Variants in BMPER observed in about 807,000 individuals in gnomAD.
The protein encoded by BMPER is BMP binding endothelial regulator.
A neutral mutation model predicts 87.3 loss-of-function variants in BMPER; 45 were observed. That is an observed-to-expected ratio of 0.52 (90% confidence interval 0.41 to 0.66). BMPER has a LOEUF of 0.66. Among genes scored for constraint, BMPER ranks in the 30% least tolerant of loss-of-function variants. The probability of loss-of-function intolerance (pLI) is 0.00; values close to 1 mark genes in which losing one functional copy is unlikely to be tolerated. For missense variants in BMPER, 784 were observed against 867.5 expected (o/e 0.90, Z 1.21); for synonymous variants, 326 against 316.2 (o/e 1.03, Z -0.33).
intron 6 of BMPER, among the ~76,000 whole-genome samples, chr7:34,028,349 G>A (rs576911242): frequency 4.0e-5 from 6 of 151,784 alleles, no homozygotes; most frequent in Middle Eastern, 6.8e-3. Flanking sequence ...GCATGAAATG[G>A]GTTTTTGTTA....
At chr7:33,960,158 G>A (rs902296233) in intron 3 of BMPER, among the ~76,000 whole-genome samples, 1 of 152,116 alleles carries the variant, frequency 6.6e-6, no homozygotes, top group African/African-American at 2.4e-5. Context: ...TCAGTTCATG[G>A]GCCTGATTCT....
intron 6 of BMPER, among the ~76,000 whole-genome samples, chr7:33,992,786 T>G (rs1786264339): frequency 7.0e-6 from 1 of 143,050 alleles, no homozygotes; most frequent in African/African-American, 2.6e-5. Flanking sequence ...TAGCACTTCC[T>G]TCAGGAGCTC....
In BMPER at chr7:34,058,126, G is replaced by T. The variant is rs763448943; in HGVS notation, c.995G>T (p.Arg332Leu). The stretch of plus-strand genomic sequence containing the variant: ...TGTGTGAAAGGCAGGACGGAGTGTC[G>T]CAATAAGCAGTGCATTCCCATCAGT... ...CACVKGRTEC[R>L]NKQCIPISSC... The change falls in exon 10 of 15, where the codon CGC becomes CTC. Residue 332 changes from arginine to leucine, a missense_variant. Physicochemically the swap from Arg to Leu is moderately radical, Grantham distance 102. Transcript: ENST00000649409. The T allele has an allele frequency of 1.2e-6, 2 of 1,614,028 alleles. No homozygotes were observed. Among genetic ancestry groups the T allele is most frequent in the African/African-American group, 1.3e-5 (1 of 75,008 alleles).
At chr7:33,916,502 T>C (rs1051246805) in intron 2 of BMPER, among the ~76,000 whole-genome samples, 1 of 152,220 alleles carries the variant, frequency 6.6e-6, no homozygotes, top group Non-Finnish European at 1.5e-5. Flanking sequence ...CAGGCACTAG[T>C]GCATACCTGT....
At chr7:34,039,539 C>T (rs1190955203) in intron 6 of BMPER, among the ~76,000 whole-genome samples, 1 of 151,370 alleles carries the variant, frequency 6.6e-6, no homozygotes, top group Non-Finnish European at 1.5e-5. Flanking sequence ...AAATAATCAC[C>T]TGACCCCAAA....
At chr7:33,971,694 A>G (rs945953998) in intron 5 of BMPER, among the ~76,000 whole-genome samples, 3 of 152,158 alleles carry the variant, frequency 2.0e-5, no homozygotes, top group Non-Finnish European at 2.9e-5. Flanking sequence ...CCTTAAAAAA[A>G]TCAATCTTGA....
chr7:33,946,024 G>A (rs1036289517), intron 3 of BMPER, among the ~76,000 whole-genome samples: 2 of 152,070 alleles, frequency 1.3e-5, no homozygotes, highest in Non-Finnish European at 2.9e-5. Flanking sequence ...ATTGCTATAA[G>A]GAAATACCCA....
chr7:34,087,372 G>A (rs1176153180), intron 13 of BMPER, among the ~76,000 whole-genome samples: 1 of 152,070 alleles, frequency 6.6e-6, no homozygotes, highest in Non-Finnish European at 1.5e-5. Context: ...GGCTTTATTT[G>A]GAATCTAAAA....
intron 4 of BMPER, among the ~76,000 whole-genome samples, chr7:33,967,306 AT>A (rs1246722565): frequency 6.6e-6 from 1 of 152,242 alleles, no homozygotes; most frequent in Admixed American, 6.5e-5. Flanking sequence ...CTGTTAAATC[AT>A]TTTATCCCTA....
intron 6 of BMPER, among the ~76,000 whole-genome samples, chr7:34,037,877 C>T (rs1235856017): frequency 2.6e-5 from 4 of 152,170 alleles, no homozygotes; most frequent in Non-Finnish European, 5.9e-5. Context: ...TTACTCAGAT[C>T]GCAAGCCATA....
rs758133020 is a variant in BMPER, at chr7:34,153,157, A to C, written c.1942A>C (p.Asn648His). Residue 648 changes from asparagine to histidine, a missense_variant, in exon 15 of 15, where the codon AAC (asparagine) becomes CAC (histidine). Coordinates refer to ENST00000649409, the MANE Select transcript of BMPER (RefSeq NM_001365308.1). ...TCCGGGATGTATCAAGACGTGTGAC[A>C]ACTGGAATGAAATTGGTCCATGCAA... Reference protein sequence around the residue: ...CGPGCIKTCDNWNEIGPCNKP... With the variant: ...CGPGCIKTCDHWNEIGPCNKP... 12 of 1,613,950 alleles carry C rather than the reference A, an allele frequency of 7.4e-6. No homozygotes were observed. Among genetic ancestry groups the C allele is most frequent in the Admixed American group, 5.0e-5 (3 of 59,984 alleles).
intron 6 of BMPER, among the ~76,000 whole-genome samples, chr7:34,027,023 G>C (rs1056148827): frequency 6.6e-6 from 1 of 152,054 alleles, no homozygotes; most frequent in Non-Finnish European, 1.5e-5. Flanking sequence ...GATGTATGGT[G>C]TTTCCCTGGG....
At chr7:33,962,486 T>A (rs905079036) in intron 3 of BMPER, among the ~76,000 whole-genome samples, 3 of 152,200 alleles carry the variant, frequency 2.0e-5, no homozygotes, top group Non-Finnish European at 4.4e-5. Context: ...ATTCTTGGTG[T>A]GCATTGTAGG....
intron 13 of BMPER, among the ~76,000 whole-genome samples, chr7:34,091,978 C>T (rs1302017096): frequency 1.3e-5 from 2 of 152,150 alleles, no homozygotes; most frequent in African/African-American, 4.8e-5. Flanking sequence ...TCTTTTTTGA[C>T]CCTTTTGTAT....
At chr7:34,024,373 AAAAAAAAAACAATATATATAT>A (rs1787285252) in intron 6 of BMPER, among the ~76,000 whole-genome samples, 1 of 98,878 alleles carries the variant, frequency 1.0e-5, no homozygotes, top group African/African-American at 4.7e-5. Flanking sequence ...AAAAAAAAAA[AAAAAAAAAACAATATATATAT>A]ATATATATAT....
At chr7:34,061,447 A>C (rs1211028538) in intron 10 of BMPER, among the ~76,000 whole-genome samples, 1 of 152,242 alleles carries the variant, frequency 6.6e-6, no homozygotes, top group Non-Finnish European at 1.5e-5. Context: ...CAGTGATTCA[A>C]CATGGATAAC....
chr7:34,128,865 G>A (rs1418724176), intron 13 of BMPER, among the ~76,000 whole-genome samples: 2 of 152,182 alleles, frequency 1.3e-5, no homozygotes, highest in Non-Finnish European at 2.9e-5. Flanking sequence ...TGATGCAGAT[G>A]TACGACCATC....
chr7:33,924,654 CTTTA>C (rs201016392), intron 2 of BMPER, among the ~76,000 whole-genome samples: 274 of 152,254 alleles, frequency 1.8e-3, no homozygotes, highest in African/African-American at 6.4e-3. Context: ...AGGGTATTTT[CTTTA>C]TTTCTTTCTT....
chr7:33,954,420 G>C (rs1194395463), intron 3 of BMPER, among the ~76,000 whole-genome samples: 1 of 152,152 alleles, frequency 6.6e-6, no homozygotes, highest in Admixed American at 6.5e-5. Flanking sequence ...TGCTGAAGTG[G>C]TTATCTTCCC....
Sources: allele counts gnomAD v4.1 joint callset (sites outside exome capture counted in the v4.1 genomes callset), GRCh38; gene constraint gnomAD v4.1.1; transcripts MANE v1.5; gene names NCBI Gene and HGNC (gene_info 2026-07-23, HGNC 2026-07-21).